DYNC2H1: variants seen among roughly 807,000 people sequenced by gnomAD.
DYNC2H1 encodes dynein cytoplasmic 2 heavy chain 1.
Under a neutral mutation model 570.0 loss-of-function variants are expected in DYNC2H1, and 410 were observed. The ratio of observed to expected loss-of-function variants is 0.72; its 90% CI spans 0.66 to 0.78. The LOEUF (loss-of-function observed/expected upper bound fraction) is 0.78. Among genes scored for constraint, DYNC2H1 ranks in the 30% least tolerant of loss-of-function variants. The pLI is 0.00. For missense variants in DYNC2H1, 4,865 were observed against 5,046.4 expected, an observed-to-expected ratio of 0.96 and a Z score of 1.09; for synonymous variants, 1,688 against 1,677.6, an observed-to-expected ratio of 1.01 and a Z score of -0.15.
chr11:103,453,992 T>C (rs1002852264), intron 85 of DYNC2H1, among the ~76,000 whole-genome samples: 1 of 152,104 alleles, frequency 6.6e-6, no homozygotes, highest in African/African-American at 2.4e-5. Context: ...GAAGATCTTT[T>C]AAAAGTCTTT....
At chr11:103,174,316 T>C in intron 36 of DYNC2H1, 146 bp downstream of exon 36, 3 of 552,966 alleles carry the variant, frequency 5.4e-6, no homozygotes, top group East Asian at 6.1e-5. Context: ...TGTTAACATC[T>C]TTCATTAGTG....
intron 75 of DYNC2H1, 93 bp downstream of exon 75, chr11:103,287,698 G>C: frequency 1.0e-6 from 1 of 980,400 alleles, no homozygotes; most frequent in Non-Finnish European, 1.5e-6. Flanking sequence ...GTTTAGAAAT[G>C]TTATAATGTC....
chr11:103,456,428 A>G, intron 87 of DYNC2H1, 72 bp downstream of exon 87: 4 of 1,248,826 alleles, frequency 3.2e-6, no homozygotes, highest in Non-Finnish European at 4.5e-6. Context: ...TGAAATTTTG[A>G]TCTCAAAGTG....
Position 103,177,205 on chromosome 11 carries a change from GAAGT to G in DYNC2H1, c.5875-347_5875-344del, listed in dbSNP as rs984758150. ...AGCACTTTGCCCTCAGTTTTGGAGA[GAAGT>G]AAGATAAGAATGAATGAATGAATGA... On this transcript the variant is annotated intron_variant, in intron 37 of 88. Transcript: ENST00000375735. The surrounding 1 kb of genome is among the most constrained non-coding windows in gnomAD (Gnocchi z 4.4). Among the ~76,000 whole-genome samples the G allele has an allele frequency of 3.3e-5, 5 of 152,078 alleles. No homozygotes were observed. Among genetic ancestry groups the G allele is most frequent in the African/African-American group, 9.7e-5 (4 of 41,392 alleles).
At position 103,203,515 on chromosome 11, in the gene DYNC2H1, A is replaced by G. The variant is rs934885696; in HGVS notation, c.8198-148A>G. The G allele has an allele frequency of 3.5e-6, 2 of 564,514 alleles. No homozygotes were observed. Among genetic ancestry groups the G allele is most frequent in the African/African-American group, 1.9e-5 (1 of 52,736 alleles). 35.0% of individuals were successfully genotyped at this position (564,514 alleles called of 1,614,324 possible). On this transcript the variant is annotated intron_variant, in intron 50 of 88. Coordinates refer to ENST00000375735, the MANE Select transcript of DYNC2H1 (RefSeq NM_001377.3). The surrounding 1 kb of genome is among the most constrained non-coding windows in gnomAD (Gnocchi z 4.7). ...GTTTGAATTTTATCAAATGAGGGCT[A>G]TAGATAAAGATTTGTGAGTCAAGTA... is the stretch of plus-strand genomic sequence containing the variant.
At chr11:103,453,641 T>TATATATATATATATACAC (rs1273661728) in intron 85 of DYNC2H1, among the ~76,000 whole-genome samples, 40 of 93,178 alleles carry the variant, frequency 4.3e-4, no homozygotes, top group African/African-American at 1.5e-3. Context: ...TATATATATA[T>TATATATATATATATACAC]ACACACATTC....
intron 17 of DYNC2H1, among the ~76,000 whole-genome samples, chr11:103,139,360 A>C (rs1364842936): frequency 6.6e-6 from 1 of 150,836 alleles, no homozygotes; most frequent in Non-Finnish European, 1.5e-5. Flanking sequence ...TAGTGCTATA[A>C]ATTTCCCTGT....
chr11:103,134,397 G>T lies in DYNC2H1; in HGVS notation c.2183G>T (p.Gly728Val). Reference sequence around the variant, plus strand: ...GATGGATTACAAGAATTGAGAACTGGCTTAGCAACTGTAGAAGCACAGGTA... The same window carrying T: ...GATGGATTACAAGAATTGAGAACTGTCTTAGCAACTGTAGAAGCACAGGTA... ...WKDGLQELRT[G>V]LATVEAQGFQ... Residue 728 changes from glycine (G) to valine (V), a missense_variant, in exon 15 of 89, where the codon GGC (glycine) becomes GTC (valine). Coordinates refer to ENST00000375735, the MANE Select transcript of DYNC2H1 (RefSeq NM_001377.3). 6.2e-7 allele frequency: 1 copy of T among 1,611,058 alleles called. No homozygotes were observed. The highest frequency in any genetic ancestry group is 8.5e-7 in the Non-Finnish European group (1 of 1,178,174).
intron 30 of DYNC2H1, among the ~76,000 whole-genome samples, chr11:103,165,396 T>C (rs1861263534): frequency 6.6e-6 from 1 of 152,220 alleles, no homozygotes; most frequent in African/African-American, 2.4e-5. Context: ...TCCAAAGTTC[T>C]GGGATTACAG....
intron 88 of DYNC2H1, among the ~76,000 whole-genome samples, chr11:103,470,678 T>C (rs4590843): frequency 0.16 from 24,858 of 152,188 alleles, 2,195 homozygotes; most frequent in Admixed American, 0.25. Context: ...TGGTTTTATG[T>C]CCTTGCGATA....
chr11:103,244,324 G>C lies in DYNC2H1; in HGVS notation c.9918+533G>C, dbSNP rs569749531. On this transcript the variant is annotated intron_variant, in intron 64 of 88. Coordinates refer to ENST00000375735, the MANE Select transcript of DYNC2H1 (RefSeq NM_001377.3). The surrounding 1 kb of genome is among the most constrained non-coding windows in gnomAD (Gnocchi z 4.3). ...GACTTCTCAGTTTCATGTTTATCTT[G>C]CAGAGGAAATTATTTTTGGTTAGGT... 2.0e-4 allele frequency among the ~76,000 whole-genome samples: 31 copies of C among 151,890 alleles called. No homozygotes were observed. Among genetic ancestry groups the C allele is most frequent in the Admixed American group, 1.4e-3 (22 of 15,254 alleles).
At chr11:103,164,288 C>T (rs947634914) in intron 30 of DYNC2H1, among the ~76,000 whole-genome samples, 3 of 152,138 alleles carry the variant, frequency 2.0e-5, no homozygotes, top group African/African-American at 7.2e-5. Context: ...TGTTGGATTT[C>T]AGCCTGCAAC....
rs192443757 is a variant in DYNC2H1 at position 103,176,944 on chromosome 11, G to T, written c.5874+510G>T. ...TGGTCTCGAACTCTTGACCTCAGGT[G>T]ATCTGCCCACCTTGGTCTCCCAAAG... On this transcript the variant is annotated intron_variant, in intron 37 of 88. Transcript: ENST00000375735. Among the ~76,000 whole-genome samples, 17 of 152,176 alleles carry T rather than the reference G, an allele frequency of 1.1e-4. No homozygotes were observed. In the East Asian group the frequency reaches 3.3e-3, roughly 29 times the overall value.
At chr11:103,467,225 T>G (rs1210549154) in intron 87 of DYNC2H1, among the ~76,000 whole-genome samples, 1 of 152,158 alleles carries the variant, frequency 6.6e-6, no homozygotes, top group Non-Finnish European at 1.5e-5. Context: ...GTATATCCCA[T>G]TAGTCATATA....
Position 103,201,475 on chromosome 11 carries a change from A to G in DYNC2H1, c.8197+1321A>G, listed in dbSNP as rs1490779511. ...TTCTCACCCCTAATTGCACGTTAGA[A>G]TCACTAGGATAATTAAAAACAACAA... is the stretch of plus-strand genomic sequence containing the variant. On this transcript the variant is annotated intron_variant, in intron 50 of 88. Transcript: ENST00000375735. The surrounding 1 kb of genome is among the most constrained non-coding windows in gnomAD (Gnocchi z 4.8). 6.6e-6 allele frequency among the ~76,000 whole-genome samples: 1 copy of G among 152,166 alleles called. No individual in the cohort carries two copies. The highest frequency in any genetic ancestry group is 1.5e-5 in the Non-Finnish European group (1 of 68,038).
chr11:103,325,248 T>C lies in DYNC2H1; in HGVS notation c.12039+1258T>C, dbSNP rs1938413260. ...TTGACAATTTTTGTTTGGGTTGCAA[T>C]TGCTGTTGGCATCTTTGTCATGAAA... On this transcript the variant is annotated intron_variant, in intron 82 of 88. Transcript: ENST00000375735. This position sits in a 1 kb window ranked among gnomAD's most constrained non-coding sequence, Gnocchi z 4.8. Among the ~76,000 whole-genome samples the C allele has an allele frequency of 2.6e-5, 4 of 152,226 alleles. No individual in the cohort carries two copies. The highest frequency in any genetic ancestry group is 2.6e-4 in the Admixed American group (4 of 15,290).
chr11:103,271,154 A>G (rs1865695019), intron 70 of DYNC2H1, among the ~76,000 whole-genome samples: 2 of 152,052 alleles, frequency 1.3e-5, no homozygotes, highest in South Asian at 2.1e-4. Context: ...GGATTCTGCT[A>G]TTTTTTCTGC....
chr11:103,222,891 AG>A, intron 58 of DYNC2H1, 73 bp from the exon 59 acceptor site: 2 of 1,580,682 alleles, frequency 1.3e-6, no homozygotes, highest in Non-Finnish European at 1.7e-6. Context: ...GCCCAAATAA[AG>A]TGTGTTAGAA....
chr11:103,343,632 G>A (rs1351687991), intron 82 of DYNC2H1, among the ~76,000 whole-genome samples: 3 of 152,050 alleles, frequency 2.0e-5, no homozygotes, highest in African/African-American at 7.2e-5. Flanking sequence ...GAGAAGTGAG[G>A]ACAAAAGGCG....
Sources: gnomAD v4.1 joint callset for allele counts (sites outside exome capture counted in the v4.1 genomes callset) on GRCh38, gnomAD v4.1.1 for gene constraint, Gnocchi (gnomAD v3.1) non-coding constraint, MANE v1.5 for transcripts, NCBI Gene and HGNC (gene_info 2026-07-23, HGNC 2026-07-21) for gene names.